RAB2A: variants seen among roughly 807,000 people sequenced by gnomAD.
RAB2A encodes the protein ras-related protein Rab-2A.
A neutral mutation model predicts 32.5 loss-of-function variants in RAB2A; 7 were observed. That is an observed-to-expected ratio of 0.22 (90% CI 0.12 to 0.40). The LOEUF is 0.40. Ranked by LOEUF, RAB2A falls within the 10% of genes least tolerant of loss-of-function variation. The pLI is 1.00. For synonymous variants in RAB2A, 79 were observed against 85.2 expected (o/e 0.93, Z 0.40); for missense variants, 108 against 260.7 (o/e 0.41, Z 4.03).
At position 60,557,703 on chromosome 8, in the gene RAB2A, C is replaced by T. The variant is rs533071254; in HGVS notation, c.47-1149C>T. Among the ~76,000 whole-genome samples, 7 of 151,806 alleles carry T rather than the reference C, an allele frequency of 4.6e-5. No individual in the cohort carries two copies. In the South Asian group the frequency reaches 1.3e-3, roughly 27 times the overall value. On this transcript the variant is annotated intron_variant, in intron 1 of 7. Transcript: ENST00000262646. ...ACCTCAGTCTCTCAAGTAACTGGAA[C>T]TACAGATGCGCACCACCACACCCAT...
intron 6 of RAB2A, among the ~76,000 whole-genome samples, chr8:60,609,897 T>C (rs1470923206): frequency 1.3e-5 from 2 of 149,930 alleles, no homozygotes; most frequent in African/African-American, 2.5e-5. Context: ...AGGGCAAGGC[T>C]TCAGTGAGCT....
At chr8:60,560,700 A>T (rs1383538472) in intron 2 of RAB2A, among the ~76,000 whole-genome samples, 2 of 151,628 alleles carry the variant, frequency 1.3e-5, no homozygotes, top group Admixed American at 1.3e-4. Flanking sequence ...ACACAAATTC[A>T]TATATTTTCT....
chr8:60,607,752 G>A (rs1372736792), intron 6 of RAB2A, among the ~76,000 whole-genome samples: 2 of 152,214 alleles, frequency 1.3e-5, no homozygotes, highest in Non-Finnish European at 2.9e-5. Context: ...ACTCTGAAGA[G>A]ATAGAGAGGC....
intron 6 of RAB2A, among the ~76,000 whole-genome samples, chr8:60,601,411 C>T (rs1365568135): frequency 3.3e-5 from 5 of 151,962 alleles, no homozygotes; most frequent in African/African-American, 9.7e-5. Context: ...AATCTCAACT[C>T]GCTGCAACCT....
chr8:60,608,434 TTCTC>T (rs746716461), intron 6 of RAB2A, among the ~76,000 whole-genome samples: 2 of 150,564 alleles, frequency 1.3e-5, no homozygotes, highest in Admixed American at 6.6e-5. Context: ...CTTTTTCTCT[TTCTC>T]TCTCTCTCTC....
chr8:60,579,274 C>T (rs1586094417), intron 3 of RAB2A, among the ~76,000 whole-genome samples: 1 of 152,290 alleles, frequency 6.6e-6, no homozygotes, highest in African/African-American at 2.4e-5. Flanking sequence ...AACTCCTGAC[C>T]TCAGGTGATC....
chr8:60,530,860 T>G (rs1014508044), intron 1 of RAB2A, among the ~76,000 whole-genome samples: 1 of 150,840 alleles, frequency 6.6e-6, no homozygotes, highest in Non-Finnish European at 1.5e-5. Context: ...GGAAACAATG[T>G]GGTAGATTTT....
At chr8:60,559,283 C>T (rs887162859) in intron 2 of RAB2A, 7 of 204,258 alleles carry the variant, frequency 3.4e-5, no homozygotes, top group African/African-American at 1.2e-4. Flanking sequence ...CAAGCCATTT[C>T]CCCGTTTCAT....
intron 6 of RAB2A, among the ~76,000 whole-genome samples, chr8:60,617,746 A>AAAAT (rs1317277689): frequency 6.6e-6 from 1 of 152,110 alleles, no homozygotes; most frequent in Non-Finnish European, 1.5e-5. Flanking sequence ...CCCTGTCTCA[A>AAAAT]AAATAAATAA....
At chr8:60,618,238 C>T (rs540574249) in intron 6 of RAB2A, among the ~76,000 whole-genome samples, 51 of 152,288 alleles carry the variant, frequency 3.3e-4, no homozygotes, top group Middle Eastern at 3.4e-3. Flanking sequence ...CAGCCTTCAT[C>T]TTCGAATATG....
intron 1 of RAB2A, among the ~76,000 whole-genome samples, chr8:60,529,294 C>T (rs534222477): frequency 2.0e-5 from 3 of 152,188 alleles, no homozygotes; most frequent in Admixed American, 6.5e-5. Flanking sequence ...TTCAGGTTTC[C>T]GTACATGTCT....
intron 2 of RAB2A, among the ~76,000 whole-genome samples, chr8:60,567,913 G>A (rs1359875260): frequency 2.0e-5 from 3 of 151,948 alleles, no homozygotes; most frequent in Non-Finnish European, 4.4e-5. Context: ...TTTCCAAATT[G>A]AAAATATTAT....
At chr8:60,565,648 T>G (rs1808098859) in intron 2 of RAB2A, among the ~76,000 whole-genome samples, 1 of 144,392 alleles carries the variant, frequency 6.9e-6, no homozygotes, top group Non-Finnish European at 1.5e-5. Flanking sequence ...GAACTTCTCA[T>G]TAAGCTCTGA....
chr8:60,594,984 C>G (rs936315536), intron 6 of RAB2A, among the ~76,000 whole-genome samples: 2 of 152,194 alleles, frequency 1.3e-5, no homozygotes, highest in East Asian at 3.9e-4. Context: ...AAAGAACTAT[C>G]AGCCCAGAAT....
intron 1 of RAB2A, among the ~76,000 whole-genome samples, chr8:60,528,325 A>C (rs1196599819): frequency 6.6e-6 from 1 of 152,258 alleles, no homozygotes; most frequent in African/African-American, 2.4e-5. Context: ...TATGTGTAAC[A>C]GTGACTTGAA....
At chr8:60,559,028 C>A in intron 2 of RAB2A, 105 bp downstream of exon 2, 1 of 802,908 alleles carries the variant, frequency 1.2e-6, no homozygotes. Context: ...ATCAGTGAAA[C>A]TGGATTTGTT....
chr8:60,569,024 G>C (rs568278615), intron 2 of RAB2A, among the ~76,000 whole-genome samples: 94 of 152,266 alleles, frequency 6.2e-4, no homozygotes, highest in African/African-American at 2.2e-3. Context: ...CAAGAGACTA[G>C]GATTCAGTAT....
chr8:60,581,168 C>G (rs971228098), intron 3 of RAB2A, among the ~76,000 whole-genome samples: 13 of 152,146 alleles, frequency 8.5e-5, no homozygotes, highest in African/African-American at 2.4e-4. Context: ...ATTTGAAAAT[C>G]CCAAACTTTT....
intron 5 of RAB2A, among the ~76,000 whole-genome samples, chr8:60,585,282 T>TTTTTGTTTTGTTTTG (rs112024465): frequency 0.014 from 2,096 of 148,638 alleles, 48 homozygotes; most frequent in African/African-American, 0.049. Flanking sequence ...GGCACCATTC[T>TTTTTGTTTTGTTTTG]TTTTGTTTTG....
Sources: allele counts gnomAD v4.1 joint callset (sites outside exome capture counted in the v4.1 genomes callset), GRCh38; gene constraint gnomAD v4.1.1; transcripts MANE v1.5; gene names NCBI Gene and HGNC (gene_info 2026-07-23, HGNC 2026-07-21).